ERCC2: variants seen among roughly 807,000 people sequenced by gnomAD.
ERCC2 encodes the protein general transcription and DNA repair factor IIH helicase subunit XPD.
Under a neutral mutation model 99.4 loss-of-function variants are expected in ERCC2, and 90 were observed. The ratio of observed to expected loss-of-function variants is 0.91; its 90% CI spans 0.76 to 1.08. The LOEUF (loss-of-function observed/expected upper bound fraction) is 1.08. ERCC2 is among the 50% of genes least tolerant of loss of function. The probability of loss-of-function intolerance (pLI) is 0.00; values close to 1 mark genes in which losing one functional copy is unlikely to be tolerated. For synonymous variants in ERCC2, 497 were observed against 432.4 expected (o/e 1.15, Z -1.85); for missense variants, 993 against 1,038.1 (o/e 0.96, Z 0.60).
rs933577917 is a variant in ERCC2, at chr19:45,351,445, G to A, written c.*184C>T. On this transcript the variant is annotated 3_prime_UTR_variant, in exon 23 of 23. Transcript: ENST00000391945. Reference sequence around the variant, plus strand: ...GGTGAGAGGGGGTCTATCATCTCCTGGCCCCCCCTTGCCTCTGGGTACCTG... The same window carrying A: ...GGTGAGAGGGGGTCTATCATCTCCTAGCCCCCCCTTGCCTCTGGGTACCTG... The A allele has an allele frequency of 1.3e-6, 2 of 1,585,102 alleles. No homozygotes were observed. Among genetic ancestry groups the A allele is most frequent in the Non-Finnish European group, 1.7e-6 (2 of 1,168,990 alleles).
intron 11 of ERCC2, 92 bp from the exon 12 acceptor site, chr19:45,361,734 G>T (rs1972229149): frequency 1.0e-6 from 1 of 977,026 alleles, no homozygotes; most frequent in Non-Finnish European, 1.6e-6. Flanking sequence ...TCACGTGCCT[G>T]TCTCCCCAGC....
Position 45,351,342 on chromosome 19 carries a change from C to T in ERCC2, c.*287G>A. On this transcript the variant is annotated 3_prime_UTR_variant, in exon 23 of 23. Transcript: ENST00000391945. Reference sequence around the variant, plus strand: ...GGACCCTCAGCGCCAGCACCCAGGACCTGAGCCCCCACTAACGTCCAGTGA... The same window carrying T: ...GGACCCTCAGCGCCAGCACCCAGGATCTGAGCCCCCACTAACGTCCAGTGA... The T allele has an allele frequency of 1.2e-6, 2 of 1,611,674 alleles. No individual in the cohort carries two copies. The highest frequency in any genetic ancestry group is 1.7e-5 in the Admixed American group (1 of 60,010).
At chr19:45,351,784 C>T (rs1260650381) in intron 22 of ERCC2, 63 bp from the exon 23 acceptor site, 1 of 1,486,244 alleles carries the variant, frequency 6.7e-7, no homozygotes, top group Non-Finnish European at 9.4e-7. Flanking sequence ...GCAGCTGCTG[C>T]ACTTCCCCAA....
At chr19:45,357,997 C>A (rs979896903) in intron 12 of ERCC2, 3 of 512,332 alleles carry the variant, frequency 5.9e-6, no homozygotes, top group Admixed American at 6.5e-5. Context: ...CTGCCCAGCA[C>A]CCACGCCAAA....
At chr19:45,368,058 G>C (rs1006103201) in intron 5 of ERCC2, among the ~76,000 whole-genome samples, 2 of 151,972 alleles carry the variant, frequency 1.3e-5, no homozygotes, top group Admixed American at 1.3e-4. Flanking sequence ...ATTTTTAGTA[G>C]AAATGGGGTT....
In ERCC2 at chr19:45,354,869, T is replaced by C. The variant is rs1380456487; in HGVS notation, c.1544-18A>G. On this transcript the variant is annotated intron_variant, in intron 16 of 22. Coordinates refer to ENST00000391945, the MANE Select transcript of ERCC2 (RefSeq NM_000400.4). ...GATCACAGCTGCAAGGGGTCAGAGG[T>C]TGGGCCCTCTCCTGGCCCAGGTCCT... 1.2e-6 allele frequency: 2 copies of C among 1,613,650 alleles called. No individual in the cohort carries two copies. The highest frequency in any genetic ancestry group is 1.7e-6 in the Non-Finnish European group (2 of 1,179,748).
chr19:45,363,953 G>A (rs1280070019), intron 10 of ERCC2, 33 bp downstream of exon 10: 5 of 1,508,428 alleles, frequency 3.3e-6, no homozygotes, highest in Non-Finnish European at 4.4e-6. Context: ...AGGCGGGAAA[G>A]GGACTGGGGG....
In ERCC2 at chr19:45,358,898, A is replaced by G. The variant is rs1249549942; in HGVS notation, c.1238-1199T>C. 5.1e-6 allele frequency: 4 copies of G among 780,436 alleles called. No homozygotes were observed. The highest frequency in any genetic ancestry group is 9.6e-6 in the Non-Finnish European group (4 of 417,856). The allele number at this position is 780,436 out of a possible 1,614,324, so 48.3% of individuals were successfully genotyped here. On this transcript the variant is annotated intron_variant, in intron 12 of 22. Transcript: ENST00000391945. ...CTTTTTTGGTTCCTGCTGCTTCCAC[A>G]GTGCTGAGCCTGGCCTGTTTGTTGA...
At chr19:45,352,962 G>A (rs1971870112) in intron 19 of ERCC2, 121 bp downstream of exon 19, 1 of 1,220,156 alleles carries the variant, frequency 8.2e-7, no homozygotes, top group Non-Finnish European at 1.2e-6. Context: ...GGGAGGGGAG[G>A]GCCCCTCTGT....
Position 45,352,582 on chromosome 19 carries a change from A to G in ERCC2, c.1970T>C (p.Met657Thr). 2 of 1,614,054 alleles carry G rather than the reference A, an allele frequency of 1.2e-6. No homozygotes were observed. The highest frequency in any genetic ancestry group is 2.2e-5 in the South Asian group (2 of 91,086). ...RENDFLTFDA[M>T]RHAAQCVGRA... Reference sequence around the variant, plus strand: ...ACCCACACACTGGGCCGCGTGGCGCATGGCATCGAAGGTAAGAAAGTCATT... The same window carrying G: ...ACCCACACACTGGGCCGCGTGGCGCGTGGCATCGAAGGTAAGAAAGTCATT... Residue 657 changes from methionine to threonine, a missense_variant, in exon 21 of 23, where the codon ATG (methionine) becomes ACG (threonine). This residue lies in a region of ERCC2 where 909 missense variants were observed against 930.8 expected (regional missense o/e 0.98). Transcript: ENST00000391945.
chr19:45,350,462 CCTGGTGGCTTCTCTA>C lies in ERCC2; in HGVS notation c.*1152_*1166del. 1 of 1,613,548 alleles carries C rather than the reference CCTGGTGGCTTCTCTA, an allele frequency of 6.2e-7. No homozygotes were observed. Among genetic ancestry groups the C allele is most frequent in the Non-Finnish European group, 8.5e-7 (1 of 1,179,564 alleles). On this transcript the variant is annotated 3_prime_UTR_variant, in exon 23 of 23. Coordinates refer to ENST00000391945, the MANE Select transcript of ERCC2 (RefSeq NM_000400.4). ...CCCCTAGCCCCTGTCTGTCTTCCCT[CCTGGTGGCTTCTCTA>C]TGTCCCCATCTCAGTGTCCCCCATC...
At chr19:45,370,036 C>G in intron 2 of ERCC2, 97 bp downstream of exon 2, 1 of 1,152,510 alleles carries the variant, frequency 8.7e-7, no homozygotes, top group Non-Finnish European at 1.3e-6. Flanking sequence ...CCAGGGACCT[C>G]GGACTTCTAA....
chr19:45,355,473 G>A (rs1331722369), intron 16 of ERCC2, among the ~76,000 whole-genome samples, 192 bp downstream of exon 16: 1 of 152,222 alleles, frequency 6.6e-6, no homozygotes, highest in African/African-American at 2.4e-5. Context: ...CCCAGCGGTG[G>A]AGGTTCCCAG....
In ERCC2 at chr19:45,351,448, C is replaced by G. The variant is rs1048488855; in HGVS notation, c.*181G>C. 6 of 1,582,468 alleles carry G rather than the reference C, an allele frequency of 3.8e-6. No homozygotes were observed. The highest frequency in any genetic ancestry group is 1.3e-5 in the African/African-American group (1 of 74,606). ...GAGAGGGGGTCTATCATCTCCTGGC[C>G]CCCCCTTGCCTCTGGGTACCTGGTG... is the stretch of plus-strand genomic sequence containing the variant. On this transcript the variant is annotated 3_prime_UTR_variant, in exon 23 of 23. Transcript: ENST00000391945.
intron 11 of ERCC2, 62 bp from the exon 12 acceptor site, chr19:45,361,704 T>C: frequency 1.7e-6 from 2 of 1,211,758 alleles, no homozygotes; most frequent in East Asian, 2.3e-5. Flanking sequence ...CCAGCAGCCC[T>C]GCCTCCGCCA....
At chr19:45,354,708 G>C in intron 17 of ERCC2, 22 bp downstream of exon 17, 1 of 1,613,264 alleles carries the variant, frequency 6.2e-7, no homozygotes, top group African/African-American at 1.3e-5. Context: ...AGCAGGTGCA[G>C]GGAGGGGGTG....
Position 45,364,548 on chromosome 19 carries a change from C to G in ERCC2, c.595-1G>C, listed in dbSNP as rs1254210696. On this transcript the variant is annotated splice_acceptor_variant, in intron 7 of 22. Transcript: ENST00000391945. LOFTEE classifies it high-confidence loss of function. ...AAACCACCACATTGGCATGCAGGAT[C>G]TGGGGGGCCGGGGAGCAGGGTTACC... 2 of 1,612,786 alleles carry G rather than the reference C, an allele frequency of 1.2e-6. No individual in the cohort carries two copies. Among genetic ancestry groups the G allele is most frequent in the South Asian group, 2.2e-5 (2 of 91,054 alleles).
intron 3 of ERCC2, 25 bp from the exon 4 acceptor site, chr19:45,369,017 C>G: frequency 1.2e-6 from 2 of 1,614,016 alleles, no homozygotes; most frequent in East Asian, 2.2e-5. Flanking sequence ...CGGACTCAGT[C>G]CCTGTCCCGC....
rs951527717 is a variant in ERCC2, at chr19:45,363,755, C to T, written c.1106G>A (p.Arg369His). The T allele has an allele frequency of 3.9e-6, 6 of 1,534,644 alleles. No individual in the cohort carries two copies. The highest frequency in any genetic ancestry group is 4.4e-6 in the Non-Finnish European group (5 of 1,146,754). Residue 369 changes from arginine (R) to histidine (H), a missense_variant, in exon 11 of 23, where the codon CGC becomes CAC. Physicochemically the swap from Arg to His is conservative, Grantham distance 29. Around this residue, in one of 3 missense-constraint regions of ERCC2, gnomAD observed 909 missense variants for 930.8 expected, o/e 0.98. Transcript: ENST00000391945. The part of the protein sequence containing the change: ...SGLAQRVCIQ[R>H]KPLRFCAERL... ...TCTGGGGCCGCACCTGAGGGGCTTG[C>T]GCTGGATGCACACGCGCTGGGCCAG...
Sources: gnomAD v4.1 joint callset for allele counts (sites outside exome capture counted in the v4.1 genomes callset) on GRCh38, gnomAD v4.1.1 for gene constraint, gnomAD v4.1.1 regional missense constraint, MANE v1.5 for transcripts, NCBI Gene and HGNC (gene_info 2026-07-23, HGNC 2026-07-21) for gene names.